The following RBFOX2 variants were observed in gnomAD, a reference collection of about 807,000 sequenced individuals.
RBFOX2 encodes RNA binding fox-1 homolog 2.
A neutral mutation model predicts 49.1 loss-of-function variants in RBFOX2; 10 were observed. That is an observed-to-expected ratio of 0.20 (90% CI 0.13 to 0.35). The LOEUF (loss-of-function observed/expected upper bound fraction) is 0.35. Among genes scored for constraint, RBFOX2 ranks in the 10% least tolerant of loss-of-function variants. The pLI is 1.00. For missense variants in RBFOX2, 323 were observed against 486.9 expected (o/e 0.66, Z 3.17); for synonymous variants, 183 against 187.4 (o/e 0.98, Z 0.19).
chr22:35,898,375 G>A, intron 1 of RBFOX2: 2 of 582,262 alleles, frequency 3.4e-6, no homozygotes, highest in Admixed American at 2.2e-5. Flanking sequence ...GCAGGGCCCA[G>A]ACAACCCGGG....
intron 2 of RBFOX2, among the ~76,000 whole-genome samples, chr22:35,788,196 A>G (rs142530616): frequency 3.8e-4 from 58 of 152,338 alleles, no homozygotes; most frequent in Admixed American, 3.7e-3. Context: ...TATTTTAACT[A>G]TACATTGTCA....
chr22:36,000,644 C>T (rs748974781), intron 1 of RBFOX2, among the ~76,000 whole-genome samples: 7 of 152,036 alleles, frequency 4.6e-5, no homozygotes, highest in South Asian at 2.1e-4. Context: ...ACAAGGTACC[C>T]GGGAATGTTT....
At chr22:35,930,777 C>A (rs571266978) in intron 1 of RBFOX2, among the ~76,000 whole-genome samples, 1 of 152,158 alleles carries the variant, frequency 6.6e-6, no homozygotes, top group South Asian at 2.1e-4. Flanking sequence ...TTGCAGTAAG[C>A]CAAGATGACA....
At chr22:35,790,689 T>C (rs1317444698) in intron 2 of RBFOX2, among the ~76,000 whole-genome samples, 1 of 152,180 alleles carries the variant, frequency 6.6e-6, no homozygotes, top group Non-Finnish European at 1.5e-5. Flanking sequence ...CTTCTGCATA[T>C]TTTTGCAAAT....
At chr22:35,897,042 A>G (rs759933472) in intron 1 of RBFOX2, among the ~76,000 whole-genome samples, 13 of 152,202 alleles carry the variant, frequency 8.5e-5, no homozygotes, top group Non-Finnish European at 1.6e-4. Flanking sequence ...GTAAATAACT[A>G]TATTAAAATT....
At chr22:35,873,818 G>A (rs954298539) in intron 1 of RBFOX2, among the ~76,000 whole-genome samples, 3 of 151,664 alleles carry the variant, frequency 2.0e-5, no homozygotes. Context: ...CTGGGATTAC[G>A]GACAGGTGTC....
At chr22:35,870,765 T>A (rs1298830749) in intron 1 of RBFOX2, among the ~76,000 whole-genome samples, 1 of 152,204 alleles carries the variant, frequency 6.6e-6, no homozygotes, top group Non-Finnish European at 1.5e-5. Flanking sequence ...AGCAGCAGTC[T>A]AATGAACTAT....
At chr22:35,844,667 T>G (rs917143450), upstream of RBFOX2, among the ~76,000 whole-genome samples, 5 of 151,272 alleles carry the variant, frequency 3.3e-5, no homozygotes, top group African/African-American at 7.3e-5. Context: ...GCAGTTTTTT[T>G]TTTTTTTTTT....
At chr22:35,981,607 A>G (rs2150063932) in intron 1 of RBFOX2, among the ~76,000 whole-genome samples, 1 of 151,756 alleles carries the variant, frequency 6.6e-6, no homozygotes, top group Non-Finnish European at 1.5e-5. Context: ...ATGCCACTGC[A>G]CTTCAGCCTG....
chr22:35,762,331 G>A (rs1365214282), intron 6 of RBFOX2, among the ~76,000 whole-genome samples: 2 of 151,882 alleles, frequency 1.3e-5, no homozygotes, highest in African/African-American at 4.8e-5. Context: ...AATAAAAGTA[G>A]AATTCCACAT....
chr22:35,897,371 T>TCAGGCAACACCACTG, intron 1 of RBFOX2: 1 of 1,162,750 alleles, frequency 8.6e-7, no homozygotes, highest in South Asian at 1.2e-5. Context: ...CCAGTGGTGT[T>TCAGGCAACACCACTG]GCCTGAATAC....
At chr22:35,822,040 G>A in intron 1 of RBFOX2, 1 of 495,026 alleles carries the variant, frequency 2.0e-6, no homozygotes, top group Non-Finnish European at 4.0e-6. Flanking sequence ...ACAAAGAGAG[G>A]GCCAGCCTTT....
exon 1 of RBFOX2, chr22:36,028,291 G>A (rs1343735847): frequency 1.3e-6 from 2 of 1,533,954 alleles, no homozygotes; most frequent in Non-Finnish European, 1.7e-6. Flanking sequence ...GCGGCCGCTT[G>A]CTCAGGCCGG....
chr22:36,021,934 C>T (rs955667722), intron 1 of RBFOX2, among the ~76,000 whole-genome samples: 5 of 152,150 alleles, frequency 3.3e-5, no homozygotes, highest in Non-Finnish European at 7.4e-5. Context: ...AAACTCAATA[C>T]TCCTAGGGGC....
chr22:35,852,466 C>T (rs530097544), intron 1 of RBFOX2, among the ~76,000 whole-genome samples: 20 of 139,304 alleles, frequency 1.4e-4, no homozygotes, highest in Middle Eastern at 4.0e-3. Context: ...GCCTGGGCAA[C>T]ATAGTGACAC....
chr22:36,003,375 C>G (rs2058501767), intron 1 of RBFOX2, among the ~76,000 whole-genome samples: 1 of 152,140 alleles, frequency 6.6e-6, no homozygotes, highest in Non-Finnish European at 1.5e-5. Flanking sequence ...AAACCAAACA[C>G]CTGGTCCCTA....
upstream of RBFOX2, chr22:35,939,104 C>A: frequency 2.9e-6 from 2 of 698,758 alleles, no homozygotes; most frequent in Non-Finnish European, 5.3e-6. Flanking sequence ...CTTAGGAGCA[C>A]TATTCATAAA....
At chr22:35,823,915 C>G (rs898966679) in intron 1 of RBFOX2, among the ~76,000 whole-genome samples, 1 of 152,012 alleles carries the variant, frequency 6.6e-6, no homozygotes, top group African/African-American at 2.4e-5. Flanking sequence ...TGTGGAAGGC[C>G]GAGGCGGGTG....
At chr22:35,844,869 G>A (rs1037459352), upstream of RBFOX2, among the ~76,000 whole-genome samples, 2 of 152,090 alleles carry the variant, frequency 1.3e-5, no homozygotes, top group African/African-American at 2.4e-5. Context: ...TGTACAAAAA[G>A]AGTGGGAGAA....
Sources: gnomAD v4.1 joint callset for allele counts (sites outside exome capture counted in the v4.1 genomes callset) on GRCh38, gnomAD v4.1.1 for gene constraint, MANE v1.5 for transcripts, NCBI Gene and HGNC (gene_info 2026-07-23, HGNC 2026-07-21) for gene names.